The following TAFA2 variants were observed in gnomAD, a reference collection of about 807,000 sequenced individuals.
TAFA2 encodes chemokine-like protein TAFA-2.
A neutral mutation model predicts 18.8 loss-of-function variants in TAFA2; 7 were observed. The observed-to-expected ratio is 0.37, with a 90% CI of 0.21 to 0.70. TAFA2 has a LOEUF of 0.70. TAFA2 is among the 30% of genes least tolerant of loss of function. The pLI is 0.53. For synonymous variants in TAFA2, 60 were observed against 54.2 expected (o/e 1.11, Z -0.47); for missense variants, 122 against 158.1 (o/e 0.77, Z 1.23).
At chr12:61,885,563 T>C (rs1295869966) in intron 1 of TAFA2, among the ~76,000 whole-genome samples, 1 of 152,222 alleles carries the variant, frequency 6.6e-6, no homozygotes, top group Non-Finnish European at 1.5e-5. Context: ...TTGTGGACCA[T>C]CTGGGGAGCA....
chr12:62,162,664 G>A (rs17658537), intron 1 of TAFA2, among the ~76,000 whole-genome samples: 40,692 of 152,086 alleles, frequency 0.27, 5,751 homozygotes, highest in Non-Finnish European at 0.3. Context: ...GTCCACTGCA[G>A]GCTTTCTCTG....
At chr12:62,195,728 A>G (rs2136964907), upstream of TAFA2, among the ~76,000 whole-genome samples, 1 of 152,342 alleles carries the variant, frequency 6.6e-6, no homozygotes, top group South Asian at 2.1e-4. Flanking sequence ...TGCTGCTATC[A>G]GGCTTTCTTT....
chr12:61,894,084 G>T (rs546314141), intron 1 of TAFA2, among the ~76,000 whole-genome samples: 1 of 152,010 alleles, frequency 6.6e-6, no homozygotes, highest in South Asian at 2.1e-4. Context: ...CTCTTTCTCA[G>T]CATGTTTACT....
intron 1 of TAFA2, among the ~76,000 whole-genome samples, chr12:61,887,303 T>C (rs1202898645): frequency 6.6e-6 from 1 of 151,538 alleles, no homozygotes; most frequent in African/African-American, 2.4e-5. Flanking sequence ...TACATTGAAG[T>C]TTTTTATCTG....
chr12:62,070,053 C>T (rs953061066), intron 1 of TAFA2, among the ~76,000 whole-genome samples: 3 of 152,096 alleles, frequency 2.0e-5, no homozygotes, highest in Non-Finnish European at 4.4e-5. Flanking sequence ...CAGCTCTCAG[C>T]AAGAAACTAG....
intron 2 of TAFA2, among the ~76,000 whole-genome samples, chr12:61,797,674 G>A (rs1253330507): frequency 6.6e-6 from 1 of 152,134 alleles, no homozygotes; most frequent in African/African-American, 2.4e-5. Flanking sequence ...TTCAATCAGT[G>A]CTTCGGCACT....
At chr12:61,841,034 C>T (rs1873151119) in intron 2 of TAFA2, among the ~76,000 whole-genome samples, 1 of 152,014 alleles carries the variant, frequency 6.6e-6, no homozygotes, top group Non-Finnish European at 1.5e-5. Context: ...GTCTTTACTA[C>T]ACACAGGACA....
At chr12:61,887,444 T>TA (rs1030654262) in intron 1 of TAFA2, among the ~76,000 whole-genome samples, 11 of 152,018 alleles carry the variant, frequency 7.2e-5, no homozygotes, top group African/African-American at 2.4e-4. Flanking sequence ...GCTTTTTTTT[T>TA]TTATTATACT....
intron 1 of TAFA2, among the ~76,000 whole-genome samples, chr12:61,936,840 T>G (rs1426680527): frequency 1.3e-5 from 2 of 152,054 alleles, no homozygotes; most frequent in African/African-American, 4.8e-5. Flanking sequence ...GAGAAAGAAA[T>G]GAAGGGCATC....
At chr12:62,188,696 C>T (rs940735625) in intron 1 of TAFA2, among the ~76,000 whole-genome samples, 7 of 152,218 alleles carry the variant, frequency 4.6e-5, no homozygotes, top group Admixed American at 1.3e-4. Flanking sequence ...CAAAATACTA[C>T]ATTGAAGACA....
chr12:62,089,463 T>A (rs991316869), intron 1 of TAFA2, among the ~76,000 whole-genome samples: 3 of 152,032 alleles, frequency 2.0e-5, no homozygotes, highest in South Asian at 2.1e-4. Context: ...TGATTTTTTT[T>A]AAATTTCAGT....
chr12:62,220,264 GA>G, intron 1 of TAFA2, among the ~76,000 whole-genome samples: 1 of 151,336 alleles, frequency 6.6e-6, no homozygotes, highest in Admixed American at 6.6e-5. Context: ...TACTAAAAAG[GA>G]AAAAACTACA....
At chr12:62,217,127 C>T (rs1235022601) in intron 1 of TAFA2, among the ~76,000 whole-genome samples, 1 of 152,176 alleles carries the variant, frequency 6.6e-6, no homozygotes, top group Non-Finnish European at 1.5e-5. Flanking sequence ...TACATATTGG[C>T]AAATACTGCT....
intron 2 of TAFA2, among the ~76,000 whole-genome samples, chr12:61,805,015 T>C (rs2120984285): frequency 6.6e-6 from 1 of 152,128 alleles, no homozygotes; most frequent in Non-Finnish European, 1.5e-5. Flanking sequence ...TTATTCATAA[T>C]GAACAACAAG....
intron 2 of TAFA2, among the ~76,000 whole-genome samples, chr12:61,768,923 C>T (rs1340713199): frequency 6.6e-6 from 1 of 152,022 alleles, no homozygotes; most frequent in African/African-American, 2.4e-5. Context: ...CCTGCTTTCT[C>T]AGCAGGGAGG....
chr12:61,988,031 G>A (rs975646891), intron 1 of TAFA2, among the ~76,000 whole-genome samples: 2 of 152,090 alleles, frequency 1.3e-5, no homozygotes, highest in South Asian at 2.1e-4. Flanking sequence ...TGCTGCTGAT[G>A]GATACAGTGG....
chr12:62,102,695 T>A lies in TAFA2; in HGVS notation c.-2+88564A>T, dbSNP rs150421448. Among the ~76,000 whole-genome samples, 11 of 152,344 alleles carry A rather than the reference T, an allele frequency of 7.2e-5. No homozygotes were observed. The East Asian group carries it at 2.1e-3, about 29-fold the overall frequency. On this transcript the variant is annotated intron_variant, in intron 1 of 4. Coordinates refer to ENST00000416284, the MANE Select transcript of TAFA2 (RefSeq NM_178539.5). The stretch of plus-strand genomic sequence containing the variant: ...CTACCTCCTAAATCTGAACAATTCC[T>A]GTATTATGATACAATAATGTACTCT...
intron 1 of TAFA2, among the ~76,000 whole-genome samples, chr12:62,029,796 A>T (rs1034599339): frequency 1.4e-5 from 2 of 148,106 alleles, no homozygotes; most frequent in Non-Finnish European, 3.0e-5. Context: ...GAAGAACCAC[A>T]TTAAATGTCT....
intron 4 of TAFA2, among the ~76,000 whole-genome samples, chr12:61,735,569 CAT>C (rs1248587695): frequency 2.0e-5 from 3 of 152,004 alleles, no homozygotes; most frequent in Non-Finnish European, 4.4e-5. Flanking sequence ...TATAATCACT[CAT>C]ATATCTGAGT....
Sources: gnomAD v4.1 joint callset for allele counts (sites outside exome capture counted in the v4.1 genomes callset) on GRCh38, gnomAD v4.1.1 for gene constraint, MANE v1.5 for transcripts, NCBI Gene and HGNC (gene_info 2026-07-23, HGNC 2026-07-21) for gene names.